The following TP53I3 variants were observed in gnomAD, a reference collection of about 807,000 sequenced individuals.
The protein encoded by TP53I3 is quinone oxidoreductase PIG3.
In TP53I3, 32 loss-of-function variants were observed where a neutral mutation model predicts 27.7. The ratio of observed to expected loss-of-function variants is 1.16; its 90% CI spans 0.87 to 1.55. TP53I3 has a LOEUF of 1.55. TP53I3 is among the 40% of genes most tolerant of loss of function. The probability of loss-of-function intolerance (pLI) is 0.00; values close to 1 mark genes in which losing one functional copy is unlikely to be tolerated. For missense variants in TP53I3, 372 were observed against 412.3 expected (o/e 0.90, Z 0.85); for synonymous variants, 138 against 167.8 (o/e 0.82, Z 1.37).
In TP53I3 at chr2:24,079,429, T is replaced by G. The variant is rs772733652; in HGVS notation, c.816+15A>C. On this transcript the variant is annotated intron_variant, in intron 4 of 4. Transcript: ENST00000238721. Reference sequence around the variant, plus strand: ...CTGGGTTAAATCACATGTTTTCTTTTCATTCATCACTCACCTTATTGTCCC... The same window carrying G: ...CTGGGTTAAATCACATGTTTTCTTTGCATTCATCACTCACCTTATTGTCCC... 1 of 1,611,970 alleles carries G rather than the reference T, an allele frequency of 6.2e-7. No homozygotes were observed. Among genetic ancestry groups the G allele is most frequent in the Admixed American group, 1.7e-5 (1 of 59,664 alleles).
chr2:24,084,268 A>G lies in TP53I3; in HGVS notation c.59T>C (p.Val20Ala). The G allele has an allele frequency of 6.2e-7, 1 of 1,613,820 alleles. No individual in the cohort carries two copies. The highest frequency in any genetic ancestry group is 1.1e-5 in the South Asian group (1 of 91,062). Residue 20 changes from valine (V) to alanine (A), a missense_variant, in exon 1 of 5, where the codon GTG becomes GCG. Val to Ala is a moderately conservative substitution (Grantham distance 64). Coordinates refer to ENST00000238721, the MANE Select transcript of TP53I3 (RefSeq NM_004881.5). This position sits in a 1 kb window ranked among gnomAD's most constrained non-coding sequence, Gnocchi z 8.4. Reference protein sequence around the residue: ...GGPENLYVKEVAKPSPGEGEV... With the variant: ...GGPENLYVKEAAKPSPGEGEV... ...ACCCTCCCCCGGGCTCGGCTTGGCC[A>G]CCTCCTTCACGTAGAGGTTTTCCGG... is the stretch of plus-strand genomic sequence containing the variant.
At position 24,079,560 on chromosome 2, in the gene TP53I3, G is replaced by A. The variant is rs763377588; in HGVS notation, c.700C>T (p.Arg234Ter). The change falls in exon 4 of 5, where the codon CGA (arginine) becomes TGA (stop). Residue 234 changes from arginine (R) to a stop codon, truncating the protein, a stop_gained. Transcript: ENST00000238721. LOFTEE classifies it high-confidence loss of function. ...KNVNCLALDG[R>*]WVLYGLMGGG... ...CCCATCAGACCATAGAGAACCCATC[G>A]ACCATCAAGAGCCAGGCAGTTGACG... 3.1e-6 allele frequency: 5 copies of A among 1,613,898 alleles called. No homozygotes were observed. The highest frequency in any genetic ancestry group is 2.2e-5 in the East Asian group (1 of 44,888).
At chr2:24,081,086 C>A (rs1664981605) in intron 2 of TP53I3, 55 bp from the exon 3 acceptor site, 6 of 1,512,636 alleles carry the variant, frequency 4.0e-6, no homozygotes, top group Admixed American at 1.8e-5. Context: ...ACATTCCCCA[C>A]ACAGGCATAT....
At chr2:24,081,061 C>G in intron 2 of TP53I3, 30 bp from the exon 3 acceptor site, 1 of 1,594,998 alleles carries the variant, frequency 6.3e-7, no homozygotes, top group Non-Finnish European at 8.6e-7. Flanking sequence ...GTTCTCTTTA[C>G]TTTGCAACTG....
chr2:24,083,433 G>A (rs764137727), intron 1 of TP53I3, among the ~76,000 whole-genome samples: 3 of 152,082 alleles, frequency 2.0e-5, no homozygotes, highest in Non-Finnish European at 4.4e-5. Context: ...GTCCCAGACG[G>A]GAAATAATAG....
chr2:24,081,222 G>A (rs1664987910), intron 2 of TP53I3, among the ~76,000 whole-genome samples, 191 bp from the exon 3 acceptor site: 1 of 152,128 alleles, frequency 6.6e-6, no homozygotes, highest in African/African-American at 2.4e-5. Context: ...AAACCATCTT[G>A]TTCTTTGGAG....
In TP53I3 at chr2:24,083,039, G is replaced by A. The variant is rs1385064140; in HGVS notation, c.252C>T (p.Asp84=). 1.9e-6 allele frequency: 3 copies of A among 1,614,062 alleles called. No homozygotes were observed. Among genetic ancestry groups the A allele is most frequent in the African/African-American group, 1.3e-5 (1 of 74,922 alleles). The part of the protein sequence containing the change: ...PGCQGHWKIG[D]TAMALLPGGG... ...CACCGGGGAGCAGAGCCATGGCTGTGTCCCCGATCTTCCAGTGTCCCTGGC... is the reference window on the plus strand; with the variant it reads ...CACCGGGGAGCAGAGCCATGGCTGTATCCCCGATCTTCCAGTGTCCCTGGC... The change falls in exon 2 of 5, where the codon GAC becomes GAT. Residue 84 remains aspartate, a synonymous_variant. Transcript: ENST00000238721.
Position 24,077,521 on chromosome 2 carries a change from T to G in TP53I3, c.*58A>C. ...CTTGGCCTGTCTATTGTGAATCTTCTCCAGGTTTGCTCTGGAAAGGCCTGG... is the reference window on the plus strand; with the variant it reads ...CTTGGCCTGTCTATTGTGAATCTTCGCCAGGTTTGCTCTGGAAAGGCCTGG... On this transcript the variant is annotated 3_prime_UTR_variant, in exon 5 of 5. Coordinates refer to ENST00000238721, the MANE Select transcript of TP53I3 (RefSeq NM_004881.5). This position sits in a 1 kb window ranked among gnomAD's most constrained non-coding sequence, Gnocchi z 5.5. 1 of 1,536,996 alleles carries G rather than the reference T, an allele frequency of 6.5e-7. No homozygotes were observed. The highest frequency in any genetic ancestry group is 8.8e-7 in the Non-Finnish European group (1 of 1,141,400).
Position 24,084,375 on chromosome 2 carries a change from G to GGACAGGA in TP53I3, c.-50_-49insTCCTGTC, listed in dbSNP as rs1553325135. 13 of 1,385,670 alleles carry GGACAGGA rather than the reference G, an allele frequency of 9.4e-6. No individual in the cohort carries two copies. In the African/African-American group the frequency reaches 1.7e-4, roughly 18 times the overall value. The allele number at this position is 1,385,670 out of a possible 1,614,324, so 85.8% of individuals were successfully genotyped here. ...GCAGGGCAGGACAGGACAGGGCAGG[G>GGACAGGA]CAGGGCAGGACAGGACAGGGCAGGG... On this transcript the variant is annotated 5_prime_UTR_variant, in exon 1 of 5. Coordinates refer to ENST00000238721, the MANE Select transcript of TP53I3 (RefSeq NM_004881.5). The surrounding 1 kb of genome is among the most constrained non-coding windows in gnomAD (Gnocchi z 8.4).
Position 24,077,656 on chromosome 2 carries a change from T to G in TP53I3, c.922A>C (p.Thr308Pro). 1.2e-6 allele frequency: 2 copies of G among 1,613,986 alleles called. No individual in the cohort carries two copies. Among genetic ancestry groups the G allele is most frequent in the Non-Finnish European group, 1.7e-6 (2 of 1,179,968 alleles). ...LPVLDRIYPV[T>P]EIQEAHKYME... ...TACTTATGGGCCTCCTGGATTTCGG[T>G]CACTGGGTAGATTCTGTCCAGAACC... is the stretch of plus-strand genomic sequence containing the variant. The change falls in exon 5 of 5, where the codon ACC (threonine) becomes CCC (proline). Residue 308 changes from threonine (T) to proline (P), a missense_variant. Thr to Pro is a conservative substitution (Grantham distance 38). Transcript: ENST00000238721. This position sits in a 1 kb window ranked among gnomAD's most constrained non-coding sequence, Gnocchi z 5.5.
At position 24,080,974 on chromosome 2, in the gene TP53I3, GT is replaced by G; in HGVS notation, c.463del (p.Thr155GlnfsTer48). Reference sequence around the variant, plus strand: ...CATCCGGGTGAGTTGGATAGCAGCTGTGCCCACACCACTCAGTCCTGCATGG... The same window carrying G: ...CATCCGGGTGAGTTGGATAGCAGCTGGCCCACACCACTCAGTCCTGCATGG... ...LIHAGLSGVG[T>X]AAIQLTRMAG... On this transcript the variant is annotated frameshift_variant, in exon 3 of 5. Coordinates refer to ENST00000238721, the MANE Select transcript of TP53I3 (RefSeq NM_004881.5). LOFTEE classifies it high-confidence loss of function. The surrounding 1 kb of genome is among the most constrained non-coding windows in gnomAD (Gnocchi z 4.7). The G allele has an allele frequency of 6.2e-7, 1 of 1,614,184 alleles. No homozygotes were observed. Among genetic ancestry groups the G allele is most frequent in the African/African-American group, 1.3e-5 (1 of 75,042 alleles).
rs1272003640 is a variant in TP53I3, at chr2:24,079,654, C to T, written c.620-14G>A. On this transcript the variant is annotated splice_polypyrimidine_tract_variant and intron_variant, in intron 3 of 4. Coordinates refer to ENST00000238721, the MANE Select transcript of TP53I3 (RefSeq NM_004881.5). ...TAACTCCAGCACCTTCCATAGGAAA[C>T]AGATTTGTGATGCTAGTCAGCTTGG... 3 of 1,611,616 alleles carry T rather than the reference C, an allele frequency of 1.9e-6. No homozygotes were observed. Among genetic ancestry groups the T allele is most frequent in the Admixed American group, 1.7e-5 (1 of 59,786 alleles).
Position 24,083,034 on chromosome 2 carries a change from GC to G in TP53I3, c.256del (p.Ala86ProfsTer28), listed in dbSNP as rs1665081071. 1 of 1,614,064 alleles carries G rather than the reference GC, an allele frequency of 6.2e-7. No homozygotes were observed. Among genetic ancestry groups the G allele is most frequent in the African/African-American group, 1.3e-5 (1 of 74,914 alleles). ...GCCCCCACCGGGGAGCAGAGCCATG[GC>G]TGTGTCCCCGATCTTCCAGTGTCCC... is the stretch of plus-strand genomic sequence containing the variant. ...CQGHWKIGDT[A>X]MALLPGGGQA... is the part of the protein sequence containing the mutation. On this transcript the variant is annotated frameshift_variant, in exon 2 of 5. Transcript: ENST00000238721. LOFTEE classifies it high-confidence loss of function.
chr2:24,079,766 A>G (rs181198545), intron 3 of TP53I3, 126 bp from the exon 4 acceptor site: 3 of 857,458 alleles, frequency 3.5e-6, no homozygotes, highest in African/African-American at 3.4e-5. Context: ...AATTAGAAAC[A>G]CTGCTTGAAG....
At position 24,080,971 on chromosome 2, in the gene TP53I3, G is replaced by C; in HGVS notation, c.467C>G (p.Ala156Gly). 6.2e-7 allele frequency: 1 copy of C among 1,614,182 alleles called. No homozygotes were observed. The highest frequency in any genetic ancestry group is 8.5e-7 in the Non-Finnish European group (1 of 1,180,042). The part of the protein sequence containing the change: ...IHAGLSGVGT[A>G]AIQLTRMAGA... ...AGCCATCCGGGTGAGTTGGATAGCA[G>C]CTGTGCCCACACCACTCAGTCCTGC... The change falls in exon 3 of 5, where the codon GCT becomes GGT. Residue 156 changes from alanine to glycine, a missense_variant. Physicochemically the swap from Ala to Gly is moderately conservative, Grantham distance 60. Transcript: ENST00000238721. This position sits in a 1 kb window ranked among gnomAD's most constrained non-coding sequence, Gnocchi z 4.7.
At position 24,078,486 on chromosome 2, in the gene TP53I3, A is replaced by T. The variant is rs1422296281; in HGVS notation, c.817-725T>A. 2.6e-5 allele frequency among the ~76,000 whole-genome samples: 4 copies of T among 151,298 alleles called. No homozygotes were observed. The East Asian group carries it at 5.8e-4, about 22-fold the overall frequency. ...GAGTAAGACCCTGTCTCCATAAAAA[A>T]AAAAAAAAAAAAAAAAAGTACATGC... On this transcript the variant is annotated intron_variant, in intron 4 of 4. Transcript: ENST00000238721.
In TP53I3 at chr2:24,082,884, C is replaced by T. The variant is rs747915098; in HGVS notation, c.406+1G>A. ...TGGAGTGAGCATGGAGGCCTCCTCA[C>T]CCACAAGATGTAACAGCTGGAAGGC... is the stretch of plus-strand genomic sequence containing the variant. On this transcript the variant is annotated splice_donor_variant, in intron 2 of 4. Coordinates refer to ENST00000238721, the MANE Select transcript of TP53I3 (RefSeq NM_004881.5). LOFTEE classifies it high-confidence loss of function. 2 of 1,601,646 alleles carry T rather than the reference C, an allele frequency of 1.2e-6. No individual in the cohort carries two copies. The highest frequency in any genetic ancestry group is 1.7e-6 in the Non-Finnish European group (2 of 1,172,474).
At position 24,077,460 on chromosome 2, in the gene TP53I3, T is replaced by G; in HGVS notation, c.*119A>C. ...CCAGTTCACTCTTTATTTCCTCATATCAGCTTTAAACGGCTCTGGAGGAAG... is the reference window on the plus strand; with the variant it reads ...CCAGTTCACTCTTTATTTCCTCATAGCAGCTTTAAACGGCTCTGGAGGAAG... On this transcript the variant is annotated 3_prime_UTR_variant, in exon 5 of 5. Coordinates refer to ENST00000238721, the MANE Select transcript of TP53I3 (RefSeq NM_004881.5). This position sits in a 1 kb window ranked among gnomAD's most constrained non-coding sequence, Gnocchi z 5.5. 1 of 1,207,498 alleles carries G rather than the reference T, an allele frequency of 8.3e-7. No homozygotes were observed. Among genetic ancestry groups the G allele is most frequent in the Non-Finnish European group, 1.1e-6 (1 of 899,756 alleles). 74.8% of individuals were successfully genotyped at this position (1,207,498 alleles called of 1,614,324 possible).
Position 24,084,473 on chromosome 2 carries a change from C to T in TP53I3, c.-147G>A. 3 of 1,073,274 alleles carry T rather than the reference C, an allele frequency of 2.8e-6. No individual in the cohort carries two copies. Among genetic ancestry groups the T allele is most frequent in the Non-Finnish European group, 3.8e-6 (3 of 798,834 alleles). The allele number at this position is 1,073,274 out of a possible 1,614,324, so 66.5% of individuals were successfully genotyped here. On this transcript the variant is annotated 5_prime_UTR_variant, in exon 1 of 5. Coordinates refer to ENST00000238721, the MANE Select transcript of TP53I3 (RefSeq NM_004881.5). This position sits in a 1 kb window ranked among gnomAD's most constrained non-coding sequence, Gnocchi z 8.4. The stretch of plus-strand genomic sequence containing the variant: ...GCCTCAGGCTGGCACCGCAGCGCCC[C>T]CTGCCGGCCAGCGCCTCGCTGCCCT...
Sources: gnomAD v4.1 joint callset for allele counts (sites outside exome capture counted in the v4.1 genomes callset) on GRCh38, gnomAD v4.1.1 for gene constraint, Gnocchi (gnomAD v3.1) non-coding constraint, MANE v1.5 for transcripts, NCBI Gene and HGNC (gene_info 2026-07-23, HGNC 2026-07-21) for gene names.